Variants in GPC5 observed in about 807,000 individuals in gnomAD.
GPC5 encodes the protein glypican 5.
GPC5 carries 47 observed loss-of-function variants against 53.9 expected under a neutral mutation model. The observed-to-expected ratio is 0.87, with a 90% confidence interval of 0.69 to 1.11. The LOEUF is 1.11. GPC5 is among the 50% of genes most tolerant of loss of function. GPC5 has a pLI of 0.00. For synonymous variants in GPC5, 286 were observed against 263.3 expected (o/e 1.09, Z -0.84); for missense variants, 748 against 713.1 (o/e 1.05, Z -0.56).
At chr13:91,780,846 A>T (rs1179099400) in intron 5 of GPC5, among the ~76,000 whole-genome samples, 1 of 152,200 alleles carries the variant, frequency 6.6e-6, no homozygotes, top group Non-Finnish European at 1.5e-5. Flanking sequence ...GGAAAAACAT[A>T]ATAACTTCGT....
At chr13:91,493,891 T>G (rs1392379380) in intron 2 of GPC5, among the ~76,000 whole-genome samples, 6 of 151,418 alleles carry the variant, frequency 4.0e-5, no homozygotes, top group Admixed American at 1.3e-4. Context: ...TTTTTTTTAT[T>G]TAAGACAGAG....
At chr13:91,936,122 A>T (rs147888740) in intron 6 of GPC5, among the ~76,000 whole-genome samples, 1 of 152,098 alleles carries the variant, frequency 6.6e-6, no homozygotes, top group Non-Finnish European at 1.5e-5. Flanking sequence ...ATTAACTAGG[A>T]TAAGCAAACT....
chr13:92,761,726 G>A (rs1162879512), intron 7 of GPC5, among the ~76,000 whole-genome samples: 2 of 152,108 alleles, frequency 1.3e-5, no homozygotes, highest in African/African-American at 4.8e-5. Context: ...AGTAATTATT[G>A]ATAGATAAGG....
intron 2 of GPC5, among the ~76,000 whole-genome samples, chr13:91,587,131 ACTT>A (rs1051055050): frequency 2.0e-5 from 3 of 151,568 alleles, no homozygotes; most frequent in Admixed American, 6.6e-5. Flanking sequence ...AACAACTCAA[ACTT>A]CTTTGATTTT....
At chr13:92,332,967 G>A (rs184666068) in intron 7 of GPC5, among the ~76,000 whole-genome samples, 2 of 152,168 alleles carry the variant, frequency 1.3e-5, no homozygotes, top group Non-Finnish European at 2.9e-5. Context: ...TAAAAGAGGT[G>A]ATGGAAAACA....
intron 7 of GPC5, among the ~76,000 whole-genome samples, chr13:92,593,247 G>A (rs1222529846): frequency 6.6e-6 from 1 of 151,256 alleles, no homozygotes; most frequent in Non-Finnish European, 1.5e-5. Flanking sequence ...AATATTTGCA[G>A]GAGTGCATGA....
At position 91,667,122 on chromosome 13, in the gene GPC5, T is replaced by G. The variant is rs2035133395; in HGVS notation, c.326-26065T>G. Among the ~76,000 whole-genome samples, 3 of 152,218 alleles carry G rather than the reference T, an allele frequency of 2.0e-5. No homozygotes were observed. The South Asian group carries it at 6.2e-4, about 32-fold the overall frequency. On this transcript the variant is annotated intron_variant, in intron 2 of 7. Coordinates refer to ENST00000377067, the MANE Select transcript of GPC5 (RefSeq NM_004466.6). ...TTTGATAACTTACAGTGGTGGAATT[T>G]TATCAACTGTCTTTTTGCATTTATG... is the stretch of plus-strand genomic sequence containing the variant.
chr13:91,685,916 G>T (rs1393006538), intron 2 of GPC5, among the ~76,000 whole-genome samples: 1 of 148,024 alleles, frequency 6.8e-6, no homozygotes, highest in Non-Finnish European at 1.5e-5. Context: ...CCATGTTTTT[G>T]TGTATGAATT....
chr13:91,455,203 C>T (rs1881456702), intron 2 of GPC5, among the ~76,000 whole-genome samples: 1 of 151,700 alleles, frequency 6.6e-6, no homozygotes, highest in South Asian at 2.1e-4. Context: ...GTGCTTGTTT[C>T]TCCAGGGTTC....
At chr13:91,828,849 A>G (rs1039877052) in intron 5 of GPC5, among the ~76,000 whole-genome samples, 3 of 152,078 alleles carry the variant, frequency 2.0e-5, no homozygotes, top group Non-Finnish European at 4.4e-5. Flanking sequence ...TAAACAAAAA[A>G]ATGTACAAAA....
At chr13:92,539,507 G>C (rs921655161) in intron 7 of GPC5, among the ~76,000 whole-genome samples, 2 of 152,008 alleles carry the variant, frequency 1.3e-5, no homozygotes, top group African/African-American at 4.8e-5. Flanking sequence ...TGCACTTTTT[G>C]ATGGGGTTGT....
At chr13:92,133,039 A>G (rs1189958024) in intron 6 of GPC5, among the ~76,000 whole-genome samples, 1 of 152,024 alleles carries the variant, frequency 6.6e-6, no homozygotes, top group African/African-American at 2.4e-5. Context: ...AACAAGATTG[A>G]TTTTCTTTTA....
At chr13:92,045,551 T>G (rs1391412215) in intron 6 of GPC5, among the ~76,000 whole-genome samples, 1 of 152,142 alleles carries the variant, frequency 6.6e-6, no homozygotes, top group Non-Finnish European at 1.5e-5. Flanking sequence ...ATCATGATTG[T>G]CACCATCACC....
chr13:91,671,139 A>G (rs2035234060), intron 2 of GPC5, among the ~76,000 whole-genome samples: 1 of 152,182 alleles, frequency 6.6e-6, no homozygotes, highest in African/African-American at 2.4e-5. Flanking sequence ...AACATGAGTA[A>G]CATTTGCCTT....
chr13:91,787,835 T>C (rs2037902517), intron 5 of GPC5, among the ~76,000 whole-genome samples: 1 of 152,204 alleles, frequency 6.6e-6, no homozygotes, highest in Admixed American at 6.5e-5. Flanking sequence ...GTTATTAACA[T>C]TCTGTCATTT....
At chr13:92,820,150 C>A (rs1254401099) in intron 7 of GPC5, among the ~76,000 whole-genome samples, 1 of 152,128 alleles carries the variant, frequency 6.6e-6, no homozygotes, top group Admixed American at 6.6e-5. Context: ...GTGCCTATCT[C>A]TTTTGGTCTC....
chr13:91,747,786 G>A (rs886388364), intron 4 of GPC5, among the ~76,000 whole-genome samples: 1 of 152,156 alleles, frequency 6.6e-6, no homozygotes, highest in Admixed American at 6.6e-5. Flanking sequence ...CTGGCAGCCA[G>A]TTATTGCTAA....
At chr13:91,675,105 C>T (rs544955762) in intron 2 of GPC5, among the ~76,000 whole-genome samples, 4 of 151,422 alleles carry the variant, frequency 2.6e-5, no homozygotes, top group African/African-American at 9.7e-5. Flanking sequence ...TTTACTATCA[C>T]TCTTTCTTCC....
chr13:91,821,396 C>G (rs1277378955), intron 5 of GPC5, among the ~76,000 whole-genome samples: 3 of 152,068 alleles, frequency 2.0e-5, no homozygotes, highest in Non-Finnish European at 2.9e-5. Context: ...ATTGTATTGT[C>G]TAGGAAAAAG....
Sources: allele counts gnomAD v4.1 joint callset (sites outside exome capture counted in the v4.1 genomes callset), GRCh38; gene constraint gnomAD v4.1.1; transcripts MANE v1.5; gene names NCBI Gene and HGNC (gene_info 2026-07-23, HGNC 2026-07-21).